Variants in EFR3A observed in about 807,000 individuals in gnomAD.
EFR3A encodes EFR3 homolog A, also known as protein EFR3 homolog A.
A neutral mutation model predicts 104.4 loss-of-function variants in EFR3A; 76 were observed. That is an observed-to-expected ratio of 0.73 (90% CI 0.60 to 0.88). The LOEUF (loss-of-function observed/expected upper bound fraction) is 0.88, where lower values mean the gene tolerates loss of function less well. EFR3A is among the 40% of genes least tolerant of loss of function. EFR3A has a pLI of 0.00. For synonymous variants in EFR3A, 330 were observed against 330.0 expected (o/e 1.00, Z 0.00); for missense variants, 985 against 1,012.5 (o/e 0.97, Z 0.37).
At chr8:131,952,257 T>A (rs1481946127) in intron 5 of EFR3A, among the ~76,000 whole-genome samples, 1 of 152,144 alleles carries the variant, frequency 6.6e-6, no homozygotes, top group Non-Finnish European at 1.5e-5. Context: ...TTACATGAAT[T>A]AACTCATTTA....
rs781061580 is a variant in EFR3A, at chr8:131,985,031, G to A, written c.1840G>A (p.Val614Ile). 2 of 1,613,534 alleles carry A rather than the reference G, an allele frequency of 1.2e-6. No homozygotes were observed. The highest frequency in any genetic ancestry group is 2.2e-5 in the South Asian group (2 of 91,046). ...CAACTTTGTAAGTCAGATGATAGCTGTCCCTGCATTTTGCCAGCATGTTAG... is the reference window on the plus strand; with the variant it reads ...CAACTTTGTAAGTCAGATGATAGCTATCCCTGCATTTTGCCAGCATGTTAG... ...YLNFVSQMIA[V>I]PAFCQHVSKV... The change falls in exon 16 of 23, where the codon GTC becomes ATC. Residue 614 changes from valine to isoleucine, a missense_variant. Val to Ile is a conservative substitution (Grantham distance 29). Transcript: ENST00000254624.
chr8:131,949,919 T>A (rs1234233663), intron 4 of EFR3A, 50 bp from the exon 5 acceptor site: 1 of 1,480,388 alleles, frequency 6.8e-7, no homozygotes, highest in Admixed American at 2.5e-5. Context: ...ATGTATTTGG[T>A]TCACACTTCT....
At chr8:131,948,737 T>C (rs963579473) in intron 4 of EFR3A, among the ~76,000 whole-genome samples, 3 of 152,164 alleles carry the variant, frequency 2.0e-5, no homozygotes, top group African/African-American at 7.2e-5. Flanking sequence ...GTTACCTACC[T>C]TAATTTGAGT....
At chr8:131,911,142 A>G (rs1021059641) in intron 1 of EFR3A, among the ~76,000 whole-genome samples, 1 of 152,234 alleles carries the variant, frequency 6.6e-6, no homozygotes, top group Non-Finnish European at 1.5e-5. Context: ...ACTAAGATGG[A>G]AAAATGAAGT....
At chr8:131,973,490 TACAGC>T (rs2130714677) in intron 10 of EFR3A, among the ~76,000 whole-genome samples, 1 of 152,326 alleles carries the variant, frequency 6.6e-6, no homozygotes, top group South Asian at 2.1e-4. Context: ...ATTTCTGTGA[TACAGC>T]ACATTCAGAA....
At chr8:132,000,178 G>T (rs537031294) in intron 19 of EFR3A, among the ~76,000 whole-genome samples, 1 of 152,258 alleles carries the variant, frequency 6.6e-6, no homozygotes, top group African/African-American at 2.4e-5. Flanking sequence ...ACCCAGGCTG[G>T]AGTGCAGTGG....
chr8:132,003,207 C>G (rs199882088), intron 21 of EFR3A, 29 bp from the exon 22 acceptor site: 13 of 1,586,314 alleles, frequency 8.2e-6, no homozygotes, highest in Non-Finnish European at 1.1e-5. Flanking sequence ...GAAAATAAAC[C>G]ATTCTTAACA....
At chr8:131,909,884 T>C (rs73708064) in intron 1 of EFR3A, among the ~76,000 whole-genome samples, 20 of 152,320 alleles carry the variant, frequency 1.3e-4, no homozygotes, top group African/African-American at 4.3e-4. Flanking sequence ...ACCACTGGCC[T>C]AAATATTTAA....
At chr8:131,976,927 C>A in intron 11 of EFR3A, 114 bp from the exon 12 acceptor site, 3 of 699,242 alleles carry the variant, frequency 4.3e-6, no homozygotes, top group Middle Eastern at 3.9e-4. Flanking sequence ...TAAACTGTTA[C>A]AAAAATAAAA....
intron 19 of EFR3A, among the ~76,000 whole-genome samples, chr8:131,997,726 G>A (rs531609654): frequency 4.7e-4 from 71 of 151,948 alleles, no homozygotes; most frequent in African/African-American, 1.7e-3. Flanking sequence ...ACCTTTCTAG[G>A]GAAGAAATTC....
At chr8:131,977,904 A>G (rs1397919051) in intron 12 of EFR3A, among the ~76,000 whole-genome samples, 6 of 152,116 alleles carry the variant, frequency 3.9e-5, no homozygotes, top group African/African-American at 1.4e-4. Flanking sequence ...CTCTGATGAT[A>G]TAAACACATT....
rs778522794 is a variant in EFR3A at position 132,002,721 on chromosome 8, G to A, written c.2310+15G>A. The A allele has an allele frequency of 1.6e-5, 26 of 1,598,240 alleles. No individual in the cohort carries two copies. The highest frequency in any genetic ancestry group is 1.7e-4 in the Middle Eastern group (1 of 6,048). The stretch of plus-strand genomic sequence containing the variant: ...GTGAATCCAAAGTAAGTGAAGAAAC[G>A]GTGAAGGGCTTGTGGGTGGACTGTT... On this transcript the variant is annotated intron_variant, in intron 21 of 22. Transcript: ENST00000254624.
chr8:131,990,616 G>A (rs1346638979), intron 18 of EFR3A, among the ~76,000 whole-genome samples: 1 of 152,166 alleles, frequency 6.6e-6, no homozygotes, highest in Admixed American at 6.6e-5. Context: ...TTTAATCAGA[G>A]GATAACATGA....
chr8:131,946,502 G>C lies in EFR3A; in HGVS notation c.235G>C (p.Glu79Gln), dbSNP rs2130584489. ...ATGTAGGTATGTTTTGATTGCTATG[G>C]AGGCACTGGACCAACTTCTCATGGC... Reference protein sequence around the residue: ...HRSGYVLIAMEALDQLLMACH... With the variant: ...HRSGYVLIAMQALDQLLMACH... The change falls in exon 4 of 23, where the codon GAG (glutamate) becomes CAG (glutamine). Residue 79 changes from glutamate (E) to glutamine (Q), a missense_variant. Coordinates refer to ENST00000254624, the MANE Select transcript of EFR3A (RefSeq NM_015137.6). The C allele has an allele frequency of 6.2e-7, 1 of 1,600,570 alleles. No homozygotes were observed. Among genetic ancestry groups the C allele is most frequent in the East Asian group, 2.3e-5 (1 of 44,038 alleles).
Position 131,979,422 on chromosome 8 carries a change from G to A in EFR3A, c.1575+1G>A, listed in dbSNP as rs1384633678. 1.9e-6 allele frequency: 3 copies of A among 1,542,566 alleles called. No homozygotes were observed. Among genetic ancestry groups the A allele is most frequent in the East Asian group, 2.4e-5 (1 of 41,700 alleles). Reference sequence around the variant, plus strand: ...ACAAGACACAAGTTTCATGAAAAAGGTAAGACATCTTCTAAAAAAATAAAT... The same window carrying A: ...ACAAGACACAAGTTTCATGAAAAAGATAAGACATCTTCTAAAAAAATAAAT... On this transcript the variant is annotated splice_donor_variant, in intron 14 of 22. Transcript: ENST00000254624. LOFTEE classifies it high-confidence loss of function.
At chr8:132,002,746 T>A (rs1172002765) in intron 21 of EFR3A, 40 bp downstream of exon 21, 1 of 1,520,318 alleles carries the variant, frequency 6.6e-7, no homozygotes, top group East Asian at 2.3e-5. Flanking sequence ...GGTGGACTGT[T>A]GTTTTGTGGA....
chr8:131,927,016 T>C (rs1817333677), intron 1 of EFR3A, among the ~76,000 whole-genome samples: 1 of 152,198 alleles, frequency 6.6e-6, no homozygotes, highest in Non-Finnish European at 1.5e-5. Flanking sequence ...AGCAGTCATT[T>C]CTGGATTCCT....
chr8:131,930,934 G>A (rs1817569477), intron 1 of EFR3A, among the ~76,000 whole-genome samples: 2 of 152,030 alleles, frequency 1.3e-5, no homozygotes, highest in Non-Finnish European at 2.9e-5. Context: ...GCATAACTTA[G>A]GTAAGGACAG....
chr8:131,998,537 A>G (rs951618694), intron 19 of EFR3A, among the ~76,000 whole-genome samples: 6 of 152,016 alleles, frequency 3.9e-5, no homozygotes, highest in Middle Eastern at 3.2e-3. Flanking sequence ...TACCTGATCC[A>G]CTTGAGATCT....
Sources: gnomAD v4.1 joint callset for allele counts (sites outside exome capture counted in the v4.1 genomes callset) on GRCh38, gnomAD v4.1.1 for gene constraint, MANE v1.5 for transcripts, NCBI Gene and HGNC (gene_info 2026-07-23, HGNC 2026-07-21) for gene names.